FGF13: variants seen among roughly 807,000 people sequenced by gnomAD.
FGF13 encodes fibroblast growth factor 13.
FGF13 carries 2 observed loss-of-function variants against 19.5 expected under a neutral mutation model. The ratio of observed to expected loss-of-function variants is 0.10; its 90% confidence interval spans 0.04 to 0.32. The LOEUF (loss-of-function observed/expected upper bound fraction) is 0.32. Ranked by LOEUF, FGF13 falls within the 10% of genes least tolerant of loss-of-function variation. The pLI is 1.00. For synonymous variants in FGF13, 72 were observed against 76.9 expected, an observed-to-expected ratio of 0.94 and a Z score of 0.33; for missense variants, 113 against 192.7, an observed-to-expected ratio of 0.59 and a Z score of 2.45.
chrX:138,624,211 T>C lies in FGF13; in HGVS notation c.*8639A>G, dbSNP rs1249598067. On this transcript the variant is annotated 3_prime_UTR_variant, in exon 5 of 5. Coordinates refer to ENST00000315930, the MANE Select transcript of FGF13 (RefSeq NM_004114.5). ...TATAGTAATCAAAACAGTATGGTATTGGCATAGAAGCAGACACATAGACCA... is the reference window on the plus strand; with the variant it reads ...TATAGTAATCAAAACAGTATGGTATCGGCATAGAAGCAGACACATAGACCA... 1 of 111,978 alleles carries C rather than the reference T, an allele frequency of 8.9e-6. No individual in the cohort carries two copies. The highest frequency in any genetic ancestry group is 1.9e-5 in the Non-Finnish European group (1 of 53,239). The allele number at this position is 111,978 out of a possible 1,213,427, so 9.2% of individuals were successfully genotyped here. A position where few individuals can be genotyped will look rare whatever the true frequency, so the allele number is the denominator to read the frequency against.
chrX:138,958,177 C>G (rs1385652760), intron 1 of FGF13, among the ~76,000 whole-genome samples: 1 of 111,529 alleles, frequency 9.0e-6, no homozygotes, highest in African/African-American at 3.3e-5. Flanking sequence ...ATAAATAGCT[C>G]TTATTATTTT....
chrX:138,962,957 C>T (rs2091880443), intron 1 of FGF13, among the ~76,000 whole-genome samples: 1 of 110,979 alleles, frequency 9.0e-6, no homozygotes, highest in Non-Finnish European at 1.9e-5. Context: ...AACAAACCTG[C>T]ACGTTGTGCA....
intron 1 of FGF13, among the ~76,000 whole-genome samples, chrX:139,072,841 C>A (rs945337496): frequency 3.6e-5 from 4 of 111,825 alleles, no homozygotes; most frequent in African/African-American, 1.3e-4. Flanking sequence ...CCTTCTGGAA[C>A]ATTTCTTAGA....
At chrX:139,035,516 A>G in intron 1 of FGF13, among the ~76,000 whole-genome samples, 1 of 111,662 alleles carries the variant, frequency 9.0e-6, no homozygotes, top group Non-Finnish European at 1.9e-5. Flanking sequence ...CATAAGCGTA[A>G]AAACACACTA....
At chrX:138,842,674 G>T (rs2091157322) in intron 3 of FGF13, among the ~76,000 whole-genome samples, 1 of 110,873 alleles carries the variant, frequency 9.0e-6, no homozygotes, top group Non-Finnish European at 1.9e-5. Flanking sequence ...GGGATATTTG[G>T]CAATATTTGG....
chrX:139,028,361 CACAA>C (rs2092208892), intron 1 of FGF13, among the ~76,000 whole-genome samples: 1 of 111,505 alleles, frequency 9.0e-6, no homozygotes, highest in African/African-American at 3.3e-5. Flanking sequence ...CCACACCTCA[CACAA>C]ACAAATAGAG....
At chrX:139,060,786 A>G (rs778022927) in intron 1 of FGF13, among the ~76,000 whole-genome samples, 1 of 111,439 alleles carries the variant, frequency 9.0e-6, no homozygotes, top group African/African-American at 3.2e-5. Context: ...ATTTACACAC[A>G]AAGACAGACA....
At chrX:138,788,101 C>T (rs2090708510) in intron 3 of FGF13, among the ~76,000 whole-genome samples, 1 of 112,000 alleles carries the variant, frequency 8.9e-6, no homozygotes, top group Non-Finnish European at 1.9e-5. Context: ...ATTCAAGGTA[C>T]AATTCATCCT....
At chrX:138,716,587 A>G (rs942600549), upstream of FGF13, 1 of 111,730 alleles carries the variant, frequency 9.0e-6, no homozygotes, top group Non-Finnish European at 1.9e-5. Context: ...CCTCTAAAAA[A>G]AAGAAAAATA....
At chrX:138,831,994 T>C (rs925835130) in intron 3 of FGF13, among the ~76,000 whole-genome samples, 7 of 112,227 alleles carry the variant, frequency 6.2e-5, no homozygotes, top group Admixed American at 4.7e-4. Context: ...GCTCCATCCA[T>C]GTTCCTGCAA....
chrX:138,851,483 A>G (rs892927934), intron 3 of FGF13, among the ~76,000 whole-genome samples: 1 of 111,687 alleles, frequency 9.0e-6, no homozygotes, highest in Non-Finnish European at 1.9e-5. Flanking sequence ...CATTTCTCTA[A>G]TGACGCAGCA....
At chrX:138,752,752 G>T (rs1390544044) in intron 3 of FGF13, among the ~76,000 whole-genome samples, 1 of 111,688 alleles carries the variant, frequency 9.0e-6, no homozygotes, top group Middle Eastern at 4.2e-3. Flanking sequence ...ATTTTATACT[G>T]CCTTGAAGTA....
upstream of FGF13, chrX:139,203,986 A>T: frequency 1.8e-6 from 2 of 1,082,102 alleles, no homozygotes; most frequent in Middle Eastern, 2.5e-4. Context: ...GAGCCGCCGG[A>T]GGGCGGCGCG....
intron 1 of FGF13, among the ~76,000 whole-genome samples, chrX:138,892,897 A>G (rs999268043): frequency 3.8e-5 from 4 of 106,523 alleles, no homozygotes; most frequent in Non-Finnish European, 7.8e-5. Flanking sequence ...GCACCCATCC[A>G]ATATTTAGTG....
intron 1 of FGF13, chrX:138,990,606 G>A (rs1233745619): frequency 1.8e-5 from 2 of 110,681 alleles, no homozygotes; most frequent in Non-Finnish European, 3.8e-5. Flanking sequence ...GAGAGCTTGT[G>A]CAGAGAAACT....
At chrX:139,045,938 C>A (rs1307682777) in intron 1 of FGF13, among the ~76,000 whole-genome samples, 2 of 111,891 alleles carry the variant, frequency 1.8e-5, no homozygotes, top group African/African-American at 6.5e-5. Flanking sequence ...ATGCTCGTTA[C>A]CCAGTTCCAA....
At chrX:138,953,425 T>G (rs899290390) in intron 1 of FGF13, among the ~76,000 whole-genome samples, 2 of 107,742 alleles carry the variant, frequency 1.9e-5, no homozygotes, top group African/African-American at 6.8e-5. Context: ...CCGGGGCCTG[T>G]GGTGGGGTGG....
intron 1 of FGF13, among the ~76,000 whole-genome samples, chrX:138,992,707 G>A (rs1221309624): frequency 1.8e-5 from 2 of 111,950 alleles, no homozygotes; most frequent in African/African-American, 3.2e-5. Context: ...GAATGATATA[G>A]ATAGAACATT....
At chrX:138,789,402 G>T (rs1453275486) in intron 3 of FGF13, among the ~76,000 whole-genome samples, 6 of 104,410 alleles carry the variant, frequency 5.7e-5, no homozygotes, top group African/African-American at 2.1e-4. Context: ...GGATGGTCTC[G>T]ATCTCCTGAC....
Sources: gnomAD v4.1 joint callset for allele counts (sites outside exome capture counted in the v4.1 genomes callset) on GRCh38, gnomAD v4.1.1 for gene constraint, MANE v1.5 for transcripts, NCBI Gene and HGNC (gene_info 2026-07-23, HGNC 2026-07-21) for gene names.